Variants in MTUS1 observed in about 807,000 individuals in gnomAD.
MTUS1 encodes the protein microtubule associated scaffold protein 1.
In MTUS1, 109 loss-of-function variants were observed where a neutral mutation model predicts 120.8. The observed-to-expected ratio is 0.90, with a 90% CI of 0.77 to 1.06. The LOEUF (loss-of-function observed/expected upper bound fraction) is 1.06. Among genes scored for constraint, MTUS1 ranks in the 50% least tolerant of loss-of-function variants. The pLI is 0.00. For missense variants in MTUS1, 2,210 were observed against 1,486.3 expected, an observed-to-expected ratio of 1.49 and a Z score of -8.01; for synonymous variants, 737 against 550.5, an observed-to-expected ratio of 1.34 and a Z score of -4.74.
intron 1 of MTUS1, among the ~76,000 whole-genome samples, chr8:17,767,826 C>T (rs987073496): frequency 6.6e-6 from 1 of 151,950 alleles, no homozygotes; most frequent in Admixed American, 6.6e-5. Context: ...GGCTTCTACT[C>T]TGAGAGCAAT....
At position 17,745,497 on chromosome 8, in the gene MTUS1, A is replaced by C. The variant is rs1354170883; in HGVS notation, c.2092-1698T>G. 2.0e-5 allele frequency among the ~76,000 whole-genome samples: 3 copies of C among 152,238 alleles called. No homozygotes were observed. The East Asian group carries it at 5.8e-4, about 29-fold the overall frequency. On this transcript the variant is annotated intron_variant, in intron 2 of 14. Coordinates refer to ENST00000693296, the MANE Select transcript of MTUS1 (RefSeq NM_001363059.2). ...TCAGTCCAAGTTTGGCTCAATCCAC[A>C]GATGTGGAGCCCATAGATACAGAGG...
intron 1 of MTUS1, among the ~76,000 whole-genome samples, chr8:17,794,279 G>T (rs932157582): frequency 1.3e-5 from 2 of 151,752 alleles, no homozygotes; most frequent in African/African-American, 4.8e-5. Context: ...AGTGAGCCAA[G>T]ATCACGCCAC....
At chr8:17,696,441 T>C (rs1817983060) in intron 6 of MTUS1, among the ~76,000 whole-genome samples, 1 of 152,204 alleles carries the variant, frequency 6.6e-6, no homozygotes, top group East Asian at 1.9e-4. Flanking sequence ...CAAACATTCC[T>C]GTGACACCTA....
intron 3 of MTUS1, among the ~76,000 whole-genome samples, chr8:17,735,536 G>A (rs1039004212): frequency 1.3e-5 from 2 of 152,174 alleles, no homozygotes; most frequent in African/African-American, 4.8e-5. Flanking sequence ...GCTGACTCTG[G>A]CCTTGACGTT....
At chr8:17,656,175 T>A in intron 8 of MTUS1, 110 bp from the exon 9 acceptor site, 7 of 925,700 alleles carry the variant, frequency 7.6e-6, no homozygotes, top group Non-Finnish European at 1.2e-5. Flanking sequence ...ACACCCATGA[T>A]GTCTTGGGTC....
intron 1 of MTUS1, among the ~76,000 whole-genome samples, chr8:17,769,108 C>T (rs907438217): frequency 4.6e-5 from 7 of 151,794 alleles, no homozygotes; most frequent in African/African-American, 1.7e-4. Context: ...GACAGCACCC[C>T]GAAGGAGAAG....
intron 1 of MTUS1, among the ~76,000 whole-genome samples, chr8:17,780,224 C>T (rs1409857123): frequency 6.6e-6 from 1 of 152,188 alleles, no homozygotes; most frequent in African/African-American, 2.4e-5. Flanking sequence ...CTCCCCCGTC[C>T]CCTTGCTCTT....
intron 8 of MTUS1, among the ~76,000 whole-genome samples, chr8:17,669,278 G>A (rs1485307854): frequency 6.6e-6 from 1 of 152,214 alleles, no homozygotes; most frequent in African/African-American, 2.4e-5. Flanking sequence ...GAGTAAAAGA[G>A]AAGGAGCATG....
intron 6 of MTUS1, chr8:17,691,972 C>G (rs1299939561): frequency 2.6e-5 from 4 of 152,140 alleles, no homozygotes; most frequent in African/African-American, 9.7e-5. Flanking sequence ...GACTTACGTC[C>G]AAACGACAAA....
chr8:17,779,989 C>T (rs1014287490), intron 1 of MTUS1, among the ~76,000 whole-genome samples: 2 of 152,144 alleles, frequency 1.3e-5, no homozygotes, highest in Admixed American at 1.3e-4. Context: ...GTGTCCCCTC[C>T]AAATCTCATG....
intron 6 of MTUS1, among the ~76,000 whole-genome samples, chr8:17,702,010 A>G (rs1819196918): frequency 6.6e-6 from 1 of 152,186 alleles, no homozygotes; most frequent in Non-Finnish European, 1.5e-5. Context: ...TGGCTTCAAA[A>G]ATGTCTTTAA....
chr8:17,734,949 T>C (rs2046826560), intron 3 of MTUS1, among the ~76,000 whole-genome samples: 1 of 152,064 alleles, frequency 6.6e-6, no homozygotes, highest in Non-Finnish European at 1.5e-5. Context: ...GGTCTCGCTC[T>C]GTCACCCTGG....
intron 7 of MTUS1, among the ~76,000 whole-genome samples, chr8:17,679,627 G>C (rs12114241): frequency 0.034 from 5,235 of 151,954 alleles, 323 homozygotes; most frequent in African/African-American, 0.12. Context: ...TCAGTCTCTT[G>C]AGTAGCTGGG....
At chr8:17,717,173 G>T (rs1041804301) in intron 4 of MTUS1, among the ~76,000 whole-genome samples, 16 of 152,112 alleles carry the variant, frequency 1.1e-4, no homozygotes, top group African/African-American at 3.6e-4. Flanking sequence ...CATTGTTCTC[G>T]TGCCCAAATA....
intron 3 of MTUS1, among the ~76,000 whole-genome samples, chr8:17,730,612 A>G (rs563052394): frequency 5.3e-5 from 8 of 152,336 alleles, no homozygotes; most frequent in Admixed American, 2.0e-4. Context: ...ATGAACGAAT[A>G]AACAAAAGGT....
chr8:17,645,155 G>GGTAA lies in MTUS1; in HGVS notation c.*767_*770dup, dbSNP rs1439787893. On this transcript the variant is annotated 3_prime_UTR_variant, in exon 15 of 15. Coordinates refer to ENST00000693296, the MANE Select transcript of MTUS1 (RefSeq NM_001363059.2). ...TACAGGATAGTGTTAGGCTCACATG[G>GGTAA]GTAAGTAAAAAATCTACAGAAAAAT... 2 of 152,330 alleles carry GGTAA rather than the reference G, an allele frequency of 1.3e-5. No homozygotes were observed. Among genetic ancestry groups the GGTAA allele is most frequent in the African/African-American group, 4.8e-5 (2 of 41,348 alleles). The allele number at this position is 152,330 out of a possible 1,614,324, so 9.4% of individuals were successfully genotyped here.
Position 17,684,518 on chromosome 8 carries a change from G to A in MTUS1, c.2648C>T (p.Pro883Leu). The A allele has an allele frequency of 1.2e-6, 2 of 1,613,910 alleles. No individual in the cohort carries two copies. The highest frequency in any genetic ancestry group is 1.7e-6 in the Non-Finnish European group (2 of 1,180,000). The change falls in exon 7 of 15, where the codon CCT (proline) becomes CTT (leucine). Residue 883 changes from proline to leucine, a missense_variant. By Grantham distance (98) the Pro-to-Leu change is moderately conservative (BLOSUM62 -3). Transcript: ENST00000693296. Reference sequence around the variant, plus strand: ...CTGTGGCTGGATACATAAGCTTCGAGGATTCTTTTGCCTGCTCTTTTCAAC... The same window carrying A: ...CTGTGGCTGGATACATAAGCTTCGAAGATTCTTTTGCCTGCTCTTTTCAAC... ...NAVEKSRQKN[P>L]RSLCIQPQTA...
At chr8:17,751,473 C>G (rs1414424522) in intron 2 of MTUS1, among the ~76,000 whole-genome samples, 6 of 152,154 alleles carry the variant, frequency 3.9e-5, no homozygotes, top group Admixed American at 3.9e-4. Flanking sequence ...AGGGTCTGCC[C>G]AGACACTTTC....
At chr8:17,666,977 G>A (rs930476838) in intron 8 of MTUS1, among the ~76,000 whole-genome samples, 6 of 152,092 alleles carry the variant, frequency 3.9e-5, no homozygotes, top group Non-Finnish European at 7.4e-5. Context: ...GTCTATTTTC[G>A]TACACAATAA....
Sources: allele counts gnomAD v4.1 joint callset (sites outside exome capture counted in the v4.1 genomes callset), GRCh38; gene constraint gnomAD v4.1.1; transcripts MANE v1.5; gene names NCBI Gene and HGNC (gene_info 2026-07-23, HGNC 2026-07-21).